The following SLC8A2 variants were observed in gnomAD, a reference collection of about 807,000 sequenced individuals.
SLC8A2 encodes the protein solute carrier family 8 member A2, also known as sodium/calcium exchanger 2.
SLC8A2 carries 14 observed loss-of-function variants against 70.2 expected under a neutral mutation model. The observed-to-expected ratio is 0.20, with a 90% CI of 0.13 to 0.31. SLC8A2 has a LOEUF of 0.31. SLC8A2 is among the 10% of genes least tolerant of loss of function. The pLI is 1.00. For synonymous variants in SLC8A2, 575 were observed against 594.3 expected, an observed-to-expected ratio of 0.97 and a Z score of 0.47; for missense variants, 779 against 1,320.1, an observed-to-expected ratio of 0.59 and a Z score of 6.35.
Position 47,469,911 on chromosome 19 carries a change from C to A in SLC8A2, c.-17+1878G>T, listed in dbSNP as rs562630979. ...GAGCACCCCTGTTCTGCCTCACGTG[C>A]CTCTTAGGTCCTTGATCAGAAGAAC... On this transcript the variant is annotated intron_variant, in intron 1 of 9. Coordinates refer to ENST00000236877, the MANE Select transcript of SLC8A2 (RefSeq NM_015063.3). Among the ~76,000 whole-genome samples the A allele has an allele frequency of 2.0e-5, 3 of 152,336 alleles. No homozygotes were observed. The South Asian group carries it at 6.2e-4, about 32-fold the overall frequency.
At chr19:47,469,101 G>A (rs773904918) in intron 1 of SLC8A2, among the ~76,000 whole-genome samples, 4 of 150,578 alleles carry the variant, frequency 2.7e-5, no homozygotes, top group Non-Finnish European at 4.4e-5. Context: ...GAGAGCAAGC[G>A]AGGAGCATGC....
chr19:47,456,269 T>C (rs1967302174), intron 3 of SLC8A2, among the ~76,000 whole-genome samples: 1 of 152,252 alleles, frequency 6.6e-6, no homozygotes, highest in South Asian at 2.1e-4. Context: ...TCATTCATCA[T>C]GTGCACTGAA....
chr19:47,452,992 C>T (rs1002174415), intron 3 of SLC8A2, among the ~76,000 whole-genome samples: 1 of 152,152 alleles, frequency 6.6e-6, no homozygotes, highest in Non-Finnish European at 1.5e-5. Flanking sequence ...GAGATCGTGC[C>T]ACTGCACTCC....
At chr19:47,434,783 A>C (rs1248273370) in intron 8 of SLC8A2, among the ~76,000 whole-genome samples, 1 of 152,174 alleles carries the variant, frequency 6.6e-6, no homozygotes, top group African/African-American at 2.4e-5. Context: ...CTGTGCTCGC[A>C]CAGCAAAGAA....
rs1456051856 is a variant in SLC8A2 at position 47,448,092 on chromosome 19, A to G, written c.1480T>C (p.Phe494Leu). ...GGCCGCCCGCCGCCGTCCGGCTCGA[A>G]CATGCCCTGCGCGTCGCCCACGCGC... is the stretch of plus-strand genomic sequence containing the variant. ...NLRVGDAQGMFEPDGGGRPKG... is the reference protein window; with the variant it reads ...NLRVGDAQGMLEPDGGGRPKG... Residue 494 changes from phenylalanine (F) to leucine (L), a missense_variant, in exon 4 of 10, where the codon TTC (phenylalanine) becomes CTC (leucine). Transcript: ENST00000236877. The surrounding 1 kb of genome is among the most constrained non-coding windows in gnomAD (Gnocchi z 4.8). The G allele has an allele frequency of 1.2e-6, 2 of 1,606,826 alleles. No homozygotes were observed. The highest frequency in any genetic ancestry group is 1.7e-6 in the Non-Finnish European group (2 of 1,176,942).
intron 3 of SLC8A2, among the ~76,000 whole-genome samples, chr19:47,454,848 G>C (rs1401048006): frequency 2.0e-5 from 3 of 152,212 alleles, no homozygotes; most frequent in African/African-American, 7.2e-5. Context: ...CACTTTGGGA[G>C]GCCGAGGCGG....
intron 1 of SLC8A2, among the ~76,000 whole-genome samples, chr19:47,469,125 T>C (rs989007962): frequency 6.8e-6 from 1 of 146,916 alleles, no homozygotes; most frequent in African/African-American, 2.7e-5. Flanking sequence ...TGTGCGTGTG[T>C]GTGTGTGTGT....
chr19:47,467,942 G>GTTGC (rs1967485232), intron 1 of SLC8A2, among the ~76,000 whole-genome samples: 1 of 151,762 alleles, frequency 6.6e-6, no homozygotes, highest in African/African-American at 2.4e-5. Flanking sequence ...GGAGGCAGAG[G>GTTGC]TTGCAGTGAG....
rs767055668 is a variant in SLC8A2, at chr19:47,456,935, C to T, written c.1335G>A (p.Glu445=). The T allele has an allele frequency of 6.2e-7, 1 of 1,604,514 alleles. No homozygotes were observed. The highest frequency in any genetic ancestry group is 8.5e-7 in the Non-Finnish European group (1 of 1,175,570). ...CCCCACCCCGGGGGACCCACCTGTACTCGTAGTCGGAGCCCGCCTTGGCAG... is the reference window on the plus strand; with the variant it reads ...CCCCACCCCGGGGGACCCACCTGTATTCGTAGTCGGAGCCCGCCTTGGCAG... ...DGSAKAGSDY[E]YSEGTLVFKP... The change falls in exon 3 of 10, where the codon GAG becomes GAA. Residue 445 remains glutamate (E), a synonymous_variant. Coordinates refer to ENST00000236877, the MANE Select transcript of SLC8A2 (RefSeq NM_015063.3).
chr19:47,457,813 C>T (rs555651753), intron 2 of SLC8A2, among the ~76,000 whole-genome samples: 2 of 145,680 alleles, frequency 1.4e-5, no homozygotes, highest in East Asian at 4.0e-4. Context: ...TTCCTTTCTT[C>T]CTTCTTTCTC....
In SLC8A2 at chr19:47,447,787, G is replaced by A. The variant is rs745467518; in HGVS notation, c.1763+22C>T. 1 of 1,564,932 alleles carries A rather than the reference G, an allele frequency of 6.4e-7. No individual in the cohort carries two copies. Among genetic ancestry groups the A allele is most frequent in the Admixed American group, 1.8e-5 (1 of 54,710 alleles). On this transcript the variant is annotated intron_variant, in intron 4 of 9. Transcript: ENST00000236877. The surrounding 1 kb of genome is among the most constrained non-coding windows in gnomAD (Gnocchi z 5.1). Reference sequence around the variant, plus strand: ...CCATTCCGAAGCCCCGCCCCTCTCCGGGCCGCCTCGGGCGTGCTCACATGG... The same window carrying A: ...CCATTCCGAAGCCCCGCCCCTCTCCAGGCCGCCTCGGGCGTGCTCACATGG...
In SLC8A2 at chr19:47,465,702, A is replaced by C. The variant is rs753945724; in HGVS notation, c.675+27T>G. 32 of 1,572,216 alleles carry C rather than the reference A, an allele frequency of 2.0e-5. No individual in the cohort carries two copies. In the Admixed American group the frequency reaches 5.4e-4, roughly 26 times the overall value. On this transcript the variant is annotated intron_variant, in intron 2 of 9. Transcript: ENST00000236877. This position sits in a 1 kb window ranked among gnomAD's most constrained non-coding sequence, Gnocchi z 5.5. ...GGATTTTGCAGACACACATGCACCA[A>C]GAAAGCATCTATGCGTCTTTGCTCA...
chr19:47,461,471 T>C (rs1967394544), intron 2 of SLC8A2, among the ~76,000 whole-genome samples: 1 of 152,186 alleles, frequency 6.6e-6, no homozygotes, highest in South Asian at 2.1e-4. Context: ...ATTACACCAC[T>C]GAACTCCAGC....
At chr19:47,446,645 A>T (rs767381125) in intron 4 of SLC8A2, among the ~76,000 whole-genome samples, 1 of 152,188 alleles carries the variant, frequency 6.6e-6, no homozygotes, top group Admixed American at 6.5e-5. Flanking sequence ...TCCAAGGCTC[A>T]TGCCATCCTC....
rs909748631 is a variant in SLC8A2 at position 47,430,568 on chromosome 19, G to C, written c.2390-103C>G. On this transcript the variant is annotated intron_variant, in intron 9 of 9. Transcript: ENST00000236877. The surrounding 1 kb of genome is among the most constrained non-coding windows in gnomAD (Gnocchi z 5.9). ...AGCCTTTCCCGGTCGCCTGCTTTCT[G>C]CGGGCAGTGTGGGCTCAAGACCCCT... The C allele has an allele frequency of 5.3e-6, 7 of 1,313,858 alleles. No individual in the cohort carries two copies. The highest frequency in any genetic ancestry group is 7.1e-6 in the Non-Finnish European group (7 of 984,924). The allele number at this position is 1,313,858 out of a possible 1,614,324, so 81.4% of individuals were successfully genotyped here.
intron 1 of SLC8A2, among the ~76,000 whole-genome samples, chr19:47,471,392 G>C (rs1298712166): frequency 2.6e-5 from 4 of 152,008 alleles, no homozygotes; most frequent in Admixed American, 6.5e-5. Context: ...CTGAGAGACA[G>C]GGACTCCCAG....
Position 47,437,916 on chromosome 19 carries a change from A to G in SLC8A2, c.1943T>C (p.Met648Thr), listed in dbSNP as rs746877111. The G allele has an allele frequency of 1.9e-6, 3 of 1,613,918 alleles. No homozygotes were observed. The highest frequency in any genetic ancestry group is 2.5e-6 in the Non-Finnish European group (3 of 1,179,996). ...EEEEARRIAEMGKPVLGENCR... is the reference protein window; with the variant it reads ...EEEEARRIAETGKPVLGENCR... ...GTTCTCCCCAAGAACTGGCTTGCCC[A>G]TCTCTGCTATCCTCCGAGCCTCCTC... is the stretch of plus-strand genomic sequence containing the variant. Residue 648 changes from methionine (M) to threonine (T), a missense_variant, in exon 7 of 10, where the codon ATG (methionine) becomes ACG (threonine). By Grantham distance (81) the Met-to-Thr change is moderately conservative (BLOSUM62 -1). Coordinates refer to ENST00000236877, the MANE Select transcript of SLC8A2 (RefSeq NM_015063.3).
In SLC8A2 at chr19:47,466,047, G is replaced by A. The variant is rs1599860739; in HGVS notation, c.357C>T (p.Gly119=). 4 of 1,614,186 alleles carry A rather than the reference G, an allele frequency of 2.5e-6. No individual in the cohort carries two copies. The highest frequency in any genetic ancestry group is 2.2e-5 in the South Asian group (2 of 91,088). ...CCGTCTCATTCCAGATGCGAACGGTGCCCACGCTGGTCTCACCGTTGGCCT... is the reference window on the plus strand; with the variant it reads ...CCGTCTCATTCCAGATGCGAACGGTACCCACGCTGGTCTCACCGTTGGCCT... ...ITKANGETSV[G]TVRIWNETVS... The change falls in exon 2 of 10, where the codon GGC becomes GGT. Residue 119 remains glycine (G), a synonymous_variant. Coordinates refer to ENST00000236877, the MANE Select transcript of SLC8A2 (RefSeq NM_015063.3). This position sits in a 1 kb window ranked among gnomAD's most constrained non-coding sequence, Gnocchi z 6.9.
At chr19:47,464,653 C>T (rs1456760348) in intron 2 of SLC8A2, among the ~76,000 whole-genome samples, 1 of 152,208 alleles carries the variant, frequency 6.6e-6, no homozygotes, top group Non-Finnish European at 1.5e-5. Context: ...TTTTCTATCT[C>T]TAGCTTCAGA....
Sources: allele counts gnomAD v4.1 joint callset (sites outside exome capture counted in the v4.1 genomes callset), GRCh38; gene constraint gnomAD v4.1.1; non-coding constraint Gnocchi (gnomAD v3.1); transcripts MANE v1.5; gene names NCBI Gene and HGNC (gene_info 2026-07-23, HGNC 2026-07-21).